The following TPRX2 variants were observed in gnomAD, a reference collection of about 807,000 sequenced individuals.
TPRX2 encodes tetrapeptide repeat homeobox 2, also known as tetrapeptide repeat homeobox protein 2.
chr19:47,861,381 T>A, the TPRX2 span: 1 of 491,450 alleles, frequency 2.0e-6, no homozygotes, highest in Non-Finnish European at 3.9e-6. Context: ...ATACCCTGAC[T>A]TCACCAAGCT....
the TPRX2 span, chr19:47,861,424 C>T: frequency 2.4e-5 from 15 of 637,894 alleles, no homozygotes; most frequent in Non-Finnish European, 3.9e-5. Flanking sequence ...GAGGAATCCT[C>T]ACTCTCCACC....
At chr19:47,860,058 G>T in the TPRX2 span, 41 of 1,398,794 alleles carry the variant, frequency 2.9e-5, no homozygotes, top group Admixed American at 8.2e-4. Context: ...GGGGTCCCTA[G>T]GGGGGCTGGG....
At chr19:47,859,545 CTT>C in the TPRX2 span, among the ~76,000 whole-genome samples, 1 of 148,434 alleles carries the variant, frequency 6.7e-6, no homozygotes, top group East Asian at 2.0e-4. Context: ...GGAGACCCGT[CTT>C]TAGCAAAAAT....
At chr19:47,861,045 T>A in the TPRX2 span, 2 of 831,984 alleles carry the variant, frequency 2.4e-6, no homozygotes, top group Non-Finnish European at 4.0e-6. Context: ...CCCCCGGACC[T>A]GGGGTGGCCC....
At chr19:47,860,724 G>A in the TPRX2 span, 2 of 1,453,630 alleles carry the variant, frequency 1.4e-6, no homozygotes, top group East Asian at 2.5e-5. Flanking sequence ...TTTTGAGGCC[G>A]GCGCCGCCCC....
the TPRX2 span, chr19:47,861,244 GCCCAATCCCAGA>G: frequency 3.7e-6 from 2 of 546,074 alleles, no homozygotes; most frequent in Non-Finnish European, 7.0e-6. Flanking sequence ...TCTTGCCCAG[GCCCAATCCCAGA>G]CCCAGTCCTA....
At chr19:47,860,337 C>T in the TPRX2 span, 1 of 1,187,182 alleles carries the variant, frequency 8.4e-7, no homozygotes, top group Non-Finnish European at 1.2e-6. Flanking sequence ...AGCCTCCCCA[C>T]CGCTGTCACT....
the TPRX2 span, chr19:47,860,988 G>A: frequency 8.2e-7 from 1 of 1,220,924 alleles, no homozygotes; most frequent in Non-Finnish European, 1.2e-6. Context: ...CCCTCAGCCG[G>A]GCCCCTGGGG....
the TPRX2 span, chr19:47,860,031 G>A: frequency 5.1e-6 from 7 of 1,381,790 alleles, no homozygotes; most frequent in Non-Finnish European, 7.0e-6. Flanking sequence ...CTGGGCTCCT[G>A]GCCTGGCGCA....
chr19:47,861,467 C>T, the TPRX2 span: 8 of 1,031,670 alleles, frequency 7.8e-6, no homozygotes, highest in Middle Eastern at 2.4e-4. Flanking sequence ...AGGATGGCTT[C>T]GTGGACAAAA....
chr19:47,859,878 G>A, the TPRX2 span, among the ~76,000 whole-genome samples: 12 of 150,652 alleles, frequency 8.0e-5, no homozygotes, highest in African/African-American at 2.7e-4. Context: ...CGTCTGCTCC[G>A]AGGTGAGGCG....
chr19:47,860,913 C>T, the TPRX2 span: 33 of 1,528,750 alleles, frequency 2.2e-5, no homozygotes, highest in South Asian at 3.7e-4. Context: ...GCCCCTAGTC[C>T]CTGTAGCCGC....
the TPRX2 span, chr19:47,861,337 C>T: frequency 2.1e-6 from 1 of 474,212 alleles, no homozygotes; most frequent in South Asian, 1.5e-5. Context: ...CCTCAGAGCC[C>T]CTATGCCTCC....
the TPRX2 span, among the ~76,000 whole-genome samples, chr19:47,860,586 C>A: frequency 6.6e-6 from 1 of 151,724 alleles, no homozygotes; most frequent in Non-Finnish European, 1.5e-5. Flanking sequence ...GGGCGGCAGA[C>A]CCGGCTCCTC....
At chr19:47,860,668 G>T in the TPRX2 span, 1 of 963,942 alleles carries the variant, frequency 1.0e-6, no homozygotes, top group South Asian at 1.7e-5. Context: ...TGGGAGCCGG[G>T]GGCCCTCATA....
chr19:47,860,904 C>A, the TPRX2 span: 30 of 1,530,796 alleles, frequency 2.0e-5, no homozygotes, highest in Non-Finnish European at 2.6e-5. Flanking sequence ...CCGCGCTGCG[C>A]CCCTAGTCCC....
chr19:47,861,366 C>A, the TPRX2 span: 1 of 475,448 alleles, frequency 2.1e-6, no homozygotes, highest in South Asian at 1.5e-5. Context: ...GCCAGACACC[C>A]AGTTATACCC....
the TPRX2 span, among the ~76,000 whole-genome samples, chr19:47,859,604 C>T: frequency 6.8e-6 from 1 of 146,958 alleles, no homozygotes; most frequent in African/African-American, 2.6e-5. Context: ...GTCCCAGCTA[C>T]TCGGGAGACT....
At chr19:47,861,703 C>A in the TPRX2 span, among the ~76,000 whole-genome samples, 1 of 152,194 alleles carries the variant, frequency 6.6e-6, no homozygotes, top group Non-Finnish European at 1.5e-5. Context: ...TTGAATTGAG[C>A]CTGAGCGTTT....
Sources: gnomAD v4.1 joint callset for allele counts (sites outside exome capture counted in the v4.1 genomes callset) on GRCh38, gnomAD v4.1.1 for gene constraint, MANE v1.5 for transcripts, NCBI Gene and HGNC (gene_info 2026-07-23, HGNC 2026-07-21) for gene names.